NEK11: variants seen among roughly 807,000 people sequenced by gnomAD.
NEK11 encodes NIMA related kinase 11.
Under a neutral mutation model 80.7 loss-of-function variants are expected in NEK11, and 72 were observed. That is an observed-to-expected ratio of 0.89 (90% CI 0.74 to 1.08). NEK11 has a LOEUF of 1.08. Ranked by LOEUF, NEK11 falls within the 50% of genes least tolerant of loss-of-function variation. NEK11 has a pLI of 0.00. For synonymous variants in NEK11, 251 were observed against 260.7 expected, an observed-to-expected ratio of 0.96 and a Z score of 0.36; for missense variants, 764 against 763.6, an observed-to-expected ratio of 1.00 and a Z score of -0.01.
At position 131,292,698 on chromosome 3, in the gene NEK11, G is replaced by C. The variant is rs1216186443; in HGVS notation, c.1718+19124G>C. On this transcript the variant is annotated intron_variant, in intron 17 of 17. Transcript: ENST00000383366. The stretch of plus-strand genomic sequence containing the variant: ...GTCCAGCTAATAGAACTAACATCTT[G>C]CCAATAATAAGTCTTGTTATCCATT... Among the ~76,000 whole-genome samples the C allele has an allele frequency of 2.0e-5, 3 of 151,794 alleles. No individual in the cohort carries two copies. In the East Asian group the frequency reaches 5.8e-4, roughly 29 times the overall value.
chr3:131,330,926 A>AGGGGGG (rs71907953), intron 17 of NEK11: 2 of 125,854 alleles, frequency 1.6e-5, no homozygotes, highest in Non-Finnish European at 3.4e-5. Context: ...GAGAGAAGGA[A>AGGGGGG]GGGGGGGGGG....
At chr3:131,115,942 C>A (rs183524516) in intron 5 of NEK11, among the ~76,000 whole-genome samples, 14 of 117,982 alleles carry the variant, frequency 1.2e-4, no homozygotes, top group African/African-American at 4.1e-4. Context: ...TTCTTTCTTT[C>A]TTTCTTTCTT....
At chr3:131,186,913 C>T (rs1003332733) in intron 14 of NEK11, among the ~76,000 whole-genome samples, 70 of 152,296 alleles carry the variant, frequency 4.6e-4, no homozygotes, top group Middle Eastern at 3.4e-3. Flanking sequence ...GTTATCCACT[C>T]TACCTCAAAG....
chr3:131,215,479 G>C (rs2094803025), intron 14 of NEK11, among the ~76,000 whole-genome samples: 1 of 152,130 alleles, frequency 6.6e-6, no homozygotes, highest in South Asian at 2.1e-4. Flanking sequence ...GGGGGTGTGG[G>C]AGGTCTGTGA....
chr3:131,030,151 A>T (rs950695954), intron 3 of NEK11, among the ~76,000 whole-genome samples: 5 of 152,108 alleles, frequency 3.3e-5, no homozygotes, highest in African/African-American at 1.2e-4. Context: ...AGGCACAAGA[A>T]TTGCTTAAAC....
chr3:131,133,900 T>C lies in NEK11; in HGVS notation c.591T>C (p.His197=). 6.2e-7 allele frequency: 1 copy of C among 1,612,908 alleles called. No individual in the cohort carries two copies. Among genetic ancestry groups the C allele is most frequent in the Non-Finnish European group, 8.5e-7 (1 of 1,179,256 alleles). ...CCACAACTTTAACTGGAACTCCCCATTATATGAGTCCTGAGGCTCTGAAAC... is the reference window on the plus strand; with the variant it reads ...CCACAACTTTAACTGGAACTCCCCACTATATGAGTCCTGAGGCTCTGAAAC... The part of the protein sequence containing the change: ...DLATTLTGTP[H]YMSPEALKHQ... Residue 197 remains histidine (H), a synonymous_variant, in exon 7 of 18, where the codon CAT becomes CAC. Transcript: ENST00000383366.
At chr3:131,238,949 A>T (rs1174382326) in intron 15 of NEK11, among the ~76,000 whole-genome samples, 1 of 152,132 alleles carries the variant, frequency 6.6e-6, no homozygotes, top group Non-Finnish European at 1.5e-5. Context: ...ATTACATCAA[A>T]AAAAGAAAAA....
intron 4 of NEK11, among the ~76,000 whole-genome samples, chr3:131,096,665 T>G (rs1362049244): frequency 6.6e-6 from 1 of 152,190 alleles, no homozygotes; most frequent in Non-Finnish European, 1.5e-5. Flanking sequence ...AGCATTCACT[T>G]TTCTCCACAG....
intron 14 of NEK11, chr3:131,174,802 C>T (rs1294398957): frequency 3.7e-6 from 6 of 1,609,932 alleles, no homozygotes; most frequent in Non-Finnish European, 5.1e-6. Flanking sequence ...GTGTTTTTTC[C>T]AAAGCTGGAA....
At chr3:131,113,031 A>C (rs2080386473) in intron 5 of NEK11, among the ~76,000 whole-genome samples, 1 of 152,154 alleles carries the variant, frequency 6.6e-6, no homozygotes, top group South Asian at 2.1e-4. Flanking sequence ...ACCTTTTATA[A>C]TATCCATGCA....
At chr3:131,340,865 T>G (rs1561634916) in intron 17 of NEK11, among the ~76,000 whole-genome samples, 1 of 152,182 alleles carries the variant, frequency 6.6e-6, no homozygotes, top group Admixed American at 6.5e-5. Context: ...CTAAAAAACT[T>G]AAAAGGCTTT....
chr3:131,133,450 TAAG>T, intron 6 of NEK11: 2 of 294,780 alleles, frequency 6.8e-6, no homozygotes, highest in Non-Finnish European at 1.3e-5. Flanking sequence ...ATTGTAAATT[TAAG>T]AACAAATTCT....
intron 16 of NEK11, among the ~76,000 whole-genome samples, chr3:131,261,363 A>C (rs2095916117): frequency 1.3e-5 from 2 of 152,196 alleles, no homozygotes; most frequent in South Asian, 4.1e-4. Context: ...ATGAGAAGAG[A>C]GACTTCAGGA....
At chr3:131,338,353 C>T (rs1158031840) in intron 17 of NEK11, among the ~76,000 whole-genome samples, 2 of 144,790 alleles carry the variant, frequency 1.4e-5, no homozygotes, top group South Asian at 4.5e-4. Flanking sequence ...GGTGGGAATG[C>T]AAAATGGAAC....
At chr3:131,303,248 G>A (rs189931010) in intron 17 of NEK11, among the ~76,000 whole-genome samples, 11 of 152,242 alleles carry the variant, frequency 7.2e-5, no homozygotes, top group African/African-American at 2.6e-4. Flanking sequence ...GTCTTTTGAA[G>A]ACAGCATATA....
At chr3:131,243,346 TC>T in intron 15 of NEK11, 89 bp from the exon 16 acceptor site, 4 of 1,200,304 alleles carry the variant, frequency 3.3e-6, no homozygotes, top group Non-Finnish European at 4.7e-6. Context: ...GATTTTTTTT[TC>T]GCCTAAATGT....
At chr3:131,343,292 G>A (rs1315145778) in intron 17 of NEK11, among the ~76,000 whole-genome samples, 1 of 152,172 alleles carries the variant, frequency 6.6e-6, no homozygotes, top group Non-Finnish European at 1.5e-5. Context: ...CACTGTGATG[G>A]TGACAGAGGC....
At chr3:131,182,383 C>T (rs2093405747) in intron 14 of NEK11, among the ~76,000 whole-genome samples, 2 of 152,116 alleles carry the variant, frequency 1.3e-5, no homozygotes, top group African/African-American at 2.4e-5. Context: ...TCTCCTTTAT[C>T]GTCAATTTTC....
At chr3:131,042,598 G>A (rs1199642054) in intron 3 of NEK11, among the ~76,000 whole-genome samples, 1 of 152,010 alleles carries the variant, frequency 6.6e-6, no homozygotes, top group Non-Finnish European at 1.5e-5. Context: ...TGAAAGAAAG[G>A]CAGCAGCCTC....
Sources: gnomAD v4.1 joint callset for allele counts (sites outside exome capture counted in the v4.1 genomes callset) on GRCh38, gnomAD v4.1.1 for gene constraint, MANE v1.5 for transcripts, NCBI Gene and HGNC (gene_info 2026-07-23, HGNC 2026-07-21) for gene names.